The following TACC2 variants were observed in gnomAD, a reference collection of about 807,000 sequenced individuals.
The protein encoded by TACC2 is transforming acidic coiled-coil-containing protein 2.
Under a neutral mutation model 227.3 loss-of-function variants are expected in TACC2, and 137 were observed. The observed-to-expected ratio is 0.60, with a 90% confidence interval of 0.52 to 0.69. TACC2 has a LOEUF of 0.69. TACC2 is among the 30% of genes least tolerant of loss of function. TACC2 has a pLI of 0.00. For missense variants in TACC2, 3,470 were observed against 3,694.4 expected, an observed-to-expected ratio of 0.94 and a Z score of 1.57; for synonymous variants, 1,523 against 1,487.5, an observed-to-expected ratio of 1.02 and a Z score of -0.55.
intron 18 of TACC2, among the ~76,000 whole-genome samples, chr10:122,238,839 A>G (rs900797617): frequency 7.2e-5 from 11 of 152,120 alleles, no homozygotes; most frequent in Admixed American, 3.9e-4. Context: ...TTAATGGTCC[A>G]TTGTATGGAT....
At chr10:122,246,427 G>A (rs992351909) in intron 19 of TACC2, 4 of 152,134 alleles carry the variant, frequency 2.6e-5, no homozygotes, top group African/African-American at 9.7e-5. Flanking sequence ...GGAACCTAAG[G>A]GAAAGAAACT....
intron 7 of TACC2, among the ~76,000 whole-genome samples, chr10:122,177,776 G>A (rs543248742): frequency 6.6e-6 from 1 of 152,208 alleles, no homozygotes; most frequent in South Asian, 2.1e-4. Context: ...GCGAAACTTG[G>A]GAATGGCCCT....
In TACC2 at chr10:122,194,473, C is replaced by T. The variant is rs1452661966; in HGVS notation, c.5835-567C>T. On this transcript the variant is annotated intron_variant, in intron 7 of 22. Coordinates refer to ENST00000369005, the MANE Select transcript of TACC2 (RefSeq NM_206862.4). The surrounding 1 kb of genome is among the most constrained non-coding windows in gnomAD (Gnocchi z 4.4). Reference sequence around the variant, plus strand: ...TTCCTTCGTTCACTCCATTCACCCACTCAACACATGTTCATTCCCGGCCCT... The same window carrying T: ...TTCCTTCGTTCACTCCATTCACCCATTCAACACATGTTCATTCCCGGCCCT... 6.6e-6 allele frequency among the ~76,000 whole-genome samples: 1 copy of T among 152,194 alleles called. No individual in the cohort carries two copies. The highest frequency in any genetic ancestry group is 1.9e-4 in the East Asian group (1 of 5,200).
chr10:122,072,235 G>A (rs1031964452), intron 3 of TACC2, among the ~76,000 whole-genome samples: 1 of 152,036 alleles, frequency 6.6e-6, no homozygotes, highest in Non-Finnish European at 1.5e-5. Context: ...GATTACAGGC[G>A]TGAGCCACCG....
At chr10:122,237,588 G>T (rs765404872) in intron 17 of TACC2, 50 bp downstream of exon 17, 3 of 1,576,296 alleles carry the variant, frequency 1.9e-6, no homozygotes, top group Non-Finnish European at 2.6e-6. Context: ...TTATAAATAC[G>T]TATGCTCGTG....
chr10:122,032,475 A>G (rs1014317151), intron 2 of TACC2, among the ~76,000 whole-genome samples: 1 of 152,184 alleles, frequency 6.6e-6, no homozygotes, highest in African/African-American at 2.4e-5. Flanking sequence ...CCTCCTGTTC[A>G]CAGATTAAAG....
In TACC2 at chr10:122,085,592, G is replaced by A. The variant is rs1228901996; in HGVS notation, c.3092G>A (p.Ser1031Asn). The A allele has an allele frequency of 3.7e-6, 6 of 1,613,318 alleles. No individual in the cohort carries two copies. The highest frequency in any genetic ancestry group is 1.7e-6 in the Non-Finnish European group (2 of 1,180,052). The stretch of plus-strand genomic sequence containing the variant: ...GGTTGTTCCCCACTCTGGGGCTTGA[G>A]TAAGAGGGAGATGGCAAGTGGAAAC... ...ADGCSPLWGL[S>N]KREMASGNTG... Residue 1031 changes from serine to asparagine, a missense_variant, in exon 4 of 23, where the codon AGT (serine) becomes AAT (asparagine). Transcript: ENST00000369005.
At chr10:122,108,545 A>G (rs2083202610) in intron 5 of TACC2, among the ~76,000 whole-genome samples, 1 of 146,360 alleles carries the variant, frequency 6.8e-6, no homozygotes. Flanking sequence ...TCCCAGGTTC[A>G]AGTGATTCTC....
In TACC2 at chr10:122,210,951, G is replaced by A. The variant is rs1467391447; in HGVS notation, c.6526G>A (p.Glu2176Lys). 1 of 1,614,024 alleles carries A rather than the reference G, an allele frequency of 6.2e-7. No individual in the cohort carries two copies. The highest frequency in any genetic ancestry group is 8.5e-7 in the Non-Finnish European group (1 of 1,179,992). Residue 2176 changes from glutamate to lysine, a missense_variant, in exon 9 of 23, where the codon GAA becomes AAA. Physicochemically the swap from Glu to Lys is moderately conservative, Grantham distance 56. This residue lies in a region of TACC2 where 593 missense variants were observed against 636.6 expected (regional missense o/e 0.93). Transcript: ENST00000369005. This position sits in a 1 kb window ranked among gnomAD's most constrained non-coding sequence, Gnocchi z 4.6. ...GENLASETKT[E>K]SAKTEGPSPA... Reference sequence around the variant, plus strand: ...GAATCTAGCATCTGAGACGAAAACGGAATCTGCCAAGACGGAAGGTCCTAG... The same window carrying A: ...GAATCTAGCATCTGAGACGAAAACGAAATCTGCCAAGACGGAAGGTCCTAG...
chr10:122,169,074 A>T (rs1011043355), intron 7 of TACC2, among the ~76,000 whole-genome samples: 1 of 152,226 alleles, frequency 6.6e-6, no homozygotes, highest in African/African-American at 2.4e-5. Context: ...ACTGAGTCAG[A>T]ACTGCTCACA....
In TACC2 at chr10:122,211,380, C is replaced by T. The variant is rs868694930; in HGVS notation, c.6955C>T (p.Pro2319Ser). The T allele has an allele frequency of 1.2e-6, 2 of 1,614,040 alleles. No homozygotes were observed. Among genetic ancestry groups the T allele is most frequent in the South Asian group, 1.1e-5 (1 of 91,030 alleles). The change falls in exon 9 of 23, where the codon CCC (proline) becomes TCC (serine). Residue 2319 changes from proline (P) to serine (S), a missense_variant. Transcript: ENST00000369005. Reference sequence around the variant, plus strand: ...ACTTGACAACACTCCTGCCTCACCTCCCAGATCCCCTGCTGAACCCAATGA... The same window carrying T: ...ACTTGACAACACTCCTGCCTCACCTTCCAGATCCCCTGCTGAACCCAATGA... ...EKLDNTPASP[P>S]RSPAEPNDIP...
intron 2 of TACC2, among the ~76,000 whole-genome samples, chr10:122,030,732 A>C (rs1422768171): frequency 2.0e-5 from 3 of 151,038 alleles, no homozygotes; most frequent in Admixed American, 1.3e-4. Context: ...GAGGTTGGAG[A>C]AGTGGGGTTG....
At chr10:121,999,654 C>T (rs550703079) in intron 1 of TACC2, among the ~76,000 whole-genome samples, 5 of 152,332 alleles carry the variant, frequency 3.3e-5, no homozygotes, top group African/African-American at 9.6e-5. Context: ...AATGCTTTGG[C>T]GCATTCCTTC....
At chr10:122,035,478 GAAC>G (rs1204505665) in intron 2 of TACC2, among the ~76,000 whole-genome samples, 1 of 152,204 alleles carries the variant, frequency 6.6e-6, no homozygotes, top group Non-Finnish European at 1.5e-5. Context: ...AATCAGCAGT[GAAC>G]AATTCAGCTG....
chr10:122,132,416 C>T (rs544291285), intron 5 of TACC2, among the ~76,000 whole-genome samples, 193 bp from the exon 6 acceptor site: 21 of 152,160 alleles, frequency 1.4e-4, no homozygotes, highest in Non-Finnish European at 4.4e-5. Flanking sequence ...GCTGTGGTGG[C>T]GGGGCGCCTG....
At chr10:122,061,019 AG>A (rs796091726) in intron 3 of TACC2, among the ~76,000 whole-genome samples, 2,102 of 16,496 alleles carry the variant, frequency 0.13, 48 homozygotes, top group East Asian at 0.24. Flanking sequence ...AAAAAAAAAA[AG>A]GGGGGGGGGC....
intron 3 of TACC2, among the ~76,000 whole-genome samples, chr10:122,078,195 CAAAAAAAAAAAAAAA>C (rs1175837364): frequency 8.0e-5 from 3 of 37,656 alleles, no homozygotes; most frequent in Non-Finnish European, 1.4e-4. Context: ...ACTCCATCTC[CAAAAAAAAAAAAAAA>C]AAAAAAAAAA....
At chr10:122,032,085 G>A (rs1959052341) in intron 2 of TACC2, among the ~76,000 whole-genome samples, 1 of 152,124 alleles carries the variant, frequency 6.6e-6, no homozygotes, top group African/African-American at 2.4e-5. Flanking sequence ...GTCAATTGCT[G>A]TGCCCAGAAT....
chr10:122,114,517 A>T (rs981094103), intron 5 of TACC2, among the ~76,000 whole-genome samples: 1 of 152,210 alleles, frequency 6.6e-6, no homozygotes, highest in Non-Finnish European at 1.5e-5. Context: ...GGGCCTCCTG[A>T]GAATGGGACC....
Sources: gnomAD v4.1 joint callset for allele counts (sites outside exome capture counted in the v4.1 genomes callset) on GRCh38, gnomAD v4.1.1 for gene constraint, gnomAD v4.1.1 regional missense constraint, Gnocchi (gnomAD v3.1) non-coding constraint, MANE v1.5 for transcripts, NCBI Gene and HGNC (gene_info 2026-07-23, HGNC 2026-07-21) for gene names.